NCOR2: variants seen among roughly 807,000 people sequenced by gnomAD.
NCOR2 encodes CTG repeat protein 26.
Under a neutral mutation model 262.9 loss-of-function variants are expected in NCOR2, and 81 were observed. The observed-to-expected ratio is 0.31, with a 90% CI of 0.26 to 0.37. The LOEUF is 0.37. Among genes scored for constraint, NCOR2 ranks in the 10% least tolerant of loss-of-function variants. The probability of loss-of-function intolerance (pLI) is 1.00; values close to 1 mark genes in which losing one functional copy is unlikely to be tolerated. For synonymous variants in NCOR2, 1,659 were observed against 1,559.3 expected (o/e 1.06, Z -1.51); for missense variants, 3,385 against 3,621.4 (o/e 0.93, Z 1.68).
In NCOR2 at chr12:124,466,223, T is replaced by C. The variant is rs752679309; in HGVS notation, c.655A>G (p.Ile219Val). ...ACCAGGCTGCGGTGCTTCGACTCGA[T>C]GGGCGGCGGTGACACGGGCTTCTCA... is the stretch of plus-strand genomic sequence containing the variant. Residue 219 changes from isoleucine to valine, a missense_variant, in exon 5 of 47, where the codon ATC becomes GTC. Coordinates refer to ENST00000405201, the Ensembl canonical transcript of NCOR2. 48 of 1,610,418 alleles carry C rather than the reference T, an allele frequency of 3.0e-5. 1 individual carries two copies. The East Asian group carries it at 9.2e-4, about 31-fold the overall frequency.
intron 13 of NCOR2, among the ~76,000 whole-genome samples, chr12:124,409,011 G>A (rs1035119893): frequency 1.3e-5 from 2 of 152,214 alleles, no homozygotes; most frequent in South Asian, 2.1e-4. Context: ...CATGGCAACC[G>A]GCACATGCTA....
chr12:124,353,368 C>A (rs555778353), intron 27 of NCOR2, among the ~76,000 whole-genome samples: 40 of 152,340 alleles, frequency 2.6e-4, no homozygotes, highest in African/African-American at 9.6e-4. Flanking sequence ...CCTTTGAAAG[C>A]TCAGATTTTT....
At chr12:124,446,189 C>T (rs1321127994) in intron 7 of NCOR2, among the ~76,000 whole-genome samples, 2 of 152,182 alleles carry the variant, frequency 1.3e-5, no homozygotes, top group African/African-American at 2.4e-5. Context: ...ATTTCCTGAA[C>T]ATTATGCACC....
rs774421685 is a variant in NCOR2, at chr12:124,334,508, C to T, written c.6521G>A (p.Arg2174His). 1.5e-5 allele frequency: 22 copies of T among 1,439,636 alleles called. No homozygotes were observed. The highest frequency in any genetic ancestry group is 4.6e-5 in the South Asian group (3 of 65,866). 89.2% of individuals were successfully genotyped at this position (1,439,636 alleles called of 1,614,324 possible). The change falls in exon 41 of 47, where the codon CGC becomes CAC. Residue 2174 changes from arginine to histidine, a missense_variant. This residue lies in a region of NCOR2 where 1,017 missense variants were observed against 967.2 expected (regional missense o/e 1.05). Coordinates refer to ENST00000405201, the Ensembl canonical transcript of NCOR2. The stretch of plus-strand genomic sequence containing the variant: ...GAGGTAGAGGTCACTGGGTGGGCGG[C>T]GGAGGTCCAGGACGGGGCAGCTGGC...
intron 19 of NCOR2, among the ~76,000 whole-genome samples, chr12:124,373,357 G>A (rs1284588296): frequency 1.6e-5 from 1 of 61,560 alleles, no homozygotes; most frequent in African/African-American, 4.2e-5. Flanking sequence ...CGGGCACAGT[G>A]GACAATCATG....
chr12:124,463,094 T>C (rs1253364734), intron 5 of NCOR2, among the ~76,000 whole-genome samples: 2 of 152,214 alleles, frequency 1.3e-5, no homozygotes, highest in Admixed American at 1.3e-4. Flanking sequence ...CCCAGTGTCC[T>C]GAATTCCTAC....
rs1385150789 is a variant in NCOR2 at position 124,421,830 on chromosome 12, A to G, written c.1383+671T>C. Among the ~76,000 whole-genome samples, 54 of 152,268 alleles carry G rather than the reference A, an allele frequency of 3.5e-4. 1 individual carries two copies. The highest frequency in any genetic ancestry group is 3.3e-3 in the Admixed American group (50 of 15,294). On this transcript the variant is annotated intron_variant, in intron 12 of 46. Transcript: ENST00000405201. ...CTGCAGCCTCTCCAGGCACAGTCCAACCAGCCTTGTGGGTGCAAAACAACG... is the reference window on the plus strand; with the variant it reads ...CTGCAGCCTCTCCAGGCACAGTCCAGCCAGCCTTGTGGGTGCAAAACAACG...
chr12:124,516,817 C>T (rs140092932), intron 1 of NCOR2, among the ~76,000 whole-genome samples: 15 of 152,262 alleles, frequency 9.9e-5, no homozygotes, highest in African/African-American at 2.2e-4. Context: ...GACCAGGTGC[C>T]GGTATTGTCA....
intron 13 of NCOR2, among the ~76,000 whole-genome samples, chr12:124,414,198 G>A (rs975568929): frequency 3.3e-5 from 5 of 152,162 alleles, no homozygotes; most frequent in Non-Finnish European, 2.9e-5. Flanking sequence ...CCAACTCCCC[G>A]GGCTGCATGT....
rs546157158 is a variant in NCOR2 at position 124,501,605 on chromosome 12, G to A, written c.-117-6237C>T. Among the ~76,000 whole-genome samples, 204 of 152,164 alleles carry A rather than the reference G, an allele frequency of 1.3e-3. 1 individual carries two copies. The highest frequency in any genetic ancestry group is 0.012 in the South Asian group (60 of 4,802). The stretch of plus-strand genomic sequence containing the variant: ...TGCCATCCTCTGCCTCTATCTCCAC[G>A]CAGCCTTTCCACTGCATCTCCTGTC... On this transcript the variant is annotated intron_variant, in intron 1 of 46. Coordinates refer to the NCOR2 transcript ENST00000404621.
chr12:124,442,553 C>T lies in NCOR2; in HGVS notation c.816-4557G>A, dbSNP rs139488748. ...TATTTGCAACTCTTCTGTTGCACAA[C>T]GTACAATCTAGTTACTTCAAAATAA... On this transcript the variant is annotated intron_variant, in intron 7 of 46. Coordinates refer to ENST00000405201, the Ensembl canonical transcript of NCOR2. Among the ~76,000 whole-genome samples the T allele has an allele frequency of 5.9e-5, 9 of 152,308 alleles. No homozygotes were observed. The East Asian group carries it at 1.5e-3, about 26-fold the overall frequency.
At chr12:124,439,322 CAGAGGGAGAGACAGAGACCCAGAGAG>C (rs2044662573) in intron 7 of NCOR2, among the ~76,000 whole-genome samples, 4 of 24,136 alleles carry the variant, frequency 1.7e-4, no homozygotes, top group Admixed American at 5.8e-4. Flanking sequence ...GACCCAGAGA[CAGAGGGAGAGACAGAGACCCAGAGAG>C]AGAGGGAGAC....
chr12:124,442,848 T>C (rs76050210), intron 7 of NCOR2, among the ~76,000 whole-genome samples: 1,589 of 152,066 alleles, frequency 0.01, 28 homozygotes, highest in African/African-American at 0.037. Flanking sequence ...TCCAATGACT[T>C]ATGAAAAGGG....
chr12:124,427,041 G>A (rs994497893), intron 10 of NCOR2, among the ~76,000 whole-genome samples: 8 of 152,204 alleles, frequency 5.3e-5, no homozygotes, highest in Admixed American at 4.6e-4. Context: ...AATGCAGAGA[G>A]CAGCAGCCGC....
intron 20 of NCOR2, among the ~76,000 whole-genome samples, chr12:124,366,469 G>A (rs1258495610): frequency 6.6e-6 from 1 of 152,138 alleles, no homozygotes; most frequent in East Asian, 1.9e-4. Flanking sequence ...TGGGCATAGG[G>A]TTTCTTTCTT....
At chr12:124,426,918 G>A (rs374767203) in intron 10 of NCOR2, 118 bp from the exon 13 acceptor site, 20 of 913,936 alleles carry the variant, frequency 2.2e-5, no homozygotes, top group Admixed American at 5.3e-5. Context: ...GGGAAAACGC[G>A]AAACCAAGGA....
intron 1 of NCOR2, among the ~76,000 whole-genome samples, chr12:124,527,870 G>A (rs1355531555): frequency 6.6e-6 from 1 of 152,136 alleles, no homozygotes; most frequent in African/African-American, 2.4e-5. Context: ...GGGTCCACCT[G>A]GATCCCTGGG....
chr12:124,411,911 T>C (rs1297656221), intron 13 of NCOR2, among the ~76,000 whole-genome samples: 1 of 151,558 alleles, frequency 6.6e-6, no homozygotes, highest in African/African-American at 2.4e-5. Flanking sequence ...GCCTGTGGGG[T>C]CTCATGGGGG....
intron 12 of NCOR2, among the ~76,000 whole-genome samples, chr12:124,422,290 T>G (rs2043251637): frequency 6.6e-6 from 1 of 152,104 alleles, no homozygotes; most frequent in African/African-American, 2.4e-5. Context: ...AGGCTCCTCC[T>G]CCATGGGCCC....
Sources: allele counts gnomAD v4.1 joint callset (sites outside exome capture counted in the v4.1 genomes callset), GRCh38; gene constraint gnomAD v4.1.1; regional missense constraint gnomAD v4.1.1; transcripts MANE v1.5; gene names NCBI Gene and HGNC (gene_info 2026-07-23, HGNC 2026-07-21).